Variants in PPM1L observed in about 807,000 individuals in gnomAD.
PPM1L encodes protein phosphatase, Mg2+/Mn2+ dependent 1L, also known as protein phosphatase 1L.
In PPM1L, 13 loss-of-function variants were observed where a neutral mutation model predicts 31.4. The observed-to-expected ratio is 0.41, with a 90% CI of 0.27 to 0.66. The LOEUF (loss-of-function observed/expected upper bound fraction) is 0.66, where lower values mean the gene tolerates loss of function less well. PPM1L is among the 30% of genes least tolerant of loss of function. The pLI is 0.29. For synonymous variants in PPM1L, 184 were observed against 175.4 expected (o/e 1.05, Z -0.39); for missense variants, 326 against 453.7 (o/e 0.72, Z 2.56).
intron 1 of PPM1L, among the ~76,000 whole-genome samples, chr3:160,909,240 A>G (rs1713869786): frequency 6.6e-6 from 1 of 152,184 alleles, no homozygotes; most frequent in African/African-American, 2.4e-5. Context: ...AGGAATTTGC[A>G]TGAAGGAGGA....
intron 2 of PPM1L, among the ~76,000 whole-genome samples, chr3:161,013,519 T>C (rs1717966529): frequency 6.6e-6 from 1 of 152,096 alleles, no homozygotes; most frequent in Non-Finnish European, 1.5e-5. Context: ...GGGTGGAGAG[T>C]TCTGTAGATG....
At chr3:160,970,020 C>CT (rs1365900591) in intron 2 of PPM1L, among the ~76,000 whole-genome samples, 1 of 152,066 alleles carries the variant, frequency 6.6e-6, no homozygotes, top group Non-Finnish European at 1.5e-5. Flanking sequence ...AATTTTATAT[C>CT]TTTTTTATTT....
chr3:160,760,213 G>A (rs931528393), intron 1 of PPM1L, among the ~76,000 whole-genome samples: 9 of 152,166 alleles, frequency 5.9e-5, no homozygotes, highest in Non-Finnish European at 8.8e-5. Context: ...GTGTGTCATG[G>A]CTTTAGGTGT....
chr3:160,941,597 G>A (rs1055822779), intron 1 of PPM1L, among the ~76,000 whole-genome samples: 2 of 152,048 alleles, frequency 1.3e-5, no homozygotes, highest in Admixed American at 6.5e-5. Flanking sequence ...TGTAAGAAGT[G>A]CCTTTCCCCT....
chr3:160,957,726 G>A (rs1409488998), intron 1 of PPM1L, among the ~76,000 whole-genome samples: 2 of 151,982 alleles, frequency 1.3e-5, no homozygotes, highest in African/African-American at 2.4e-5. Flanking sequence ...ACAGGTGCCC[G>A]TCACCACGCC....
chr3:161,065,863 G>A (rs567752851), intron 3 of PPM1L, among the ~76,000 whole-genome samples: 250 of 152,194 alleles, frequency 1.6e-3, no homozygotes, highest in African/African-American at 5.9e-3. Context: ...TGCTTCCCTC[G>A]GAGCCACAAC....
chr3:160,801,951 A>G (rs1047520925), intron 1 of PPM1L, among the ~76,000 whole-genome samples: 2 of 151,980 alleles, frequency 1.3e-5, no homozygotes, highest in African/African-American at 4.8e-5. Flanking sequence ...CCGCAGAGCT[A>G]TTTGTGTCGA....
Position 161,032,819 on chromosome 3 carries a change from A to T in PPM1L, c.575-32584A>T, listed in dbSNP as rs573086933. On this transcript the variant is annotated intron_variant, in intron 2 of 3. Coordinates refer to ENST00000498165, the MANE Select transcript of PPM1L (RefSeq NM_139245.4). ...GTGATTCTCCTGCCTCAGCCTCCTG[A>T]GTAGCTGGGATTACAGATGTGCATC... Among the ~76,000 whole-genome samples the T allele has an allele frequency of 2.0e-5, 3 of 149,144 alleles. No homozygotes were observed. The South Asian group carries it at 6.4e-4, about 32-fold the overall frequency.
At chr3:160,763,155 A>G (rs1464089820) in intron 1 of PPM1L, among the ~76,000 whole-genome samples, 1 of 152,220 alleles carries the variant, frequency 6.6e-6, no homozygotes, top group East Asian at 1.9e-4. Context: ...GGTGGCTTTT[A>G]AAATTTAATT....
chr3:160,814,359 T>C (rs1328061181), intron 1 of PPM1L, among the ~76,000 whole-genome samples: 1 of 152,050 alleles, frequency 6.6e-6, no homozygotes, highest in Non-Finnish European at 1.5e-5. Context: ...CTTGTCGTTA[T>C]ATGAAAAAGA....
chr3:160,799,107 G>C (rs1297492245), intron 1 of PPM1L, among the ~76,000 whole-genome samples: 1 of 152,202 alleles, frequency 6.6e-6, no homozygotes, highest in Non-Finnish European at 1.5e-5. Context: ...AAAGAAAGTG[G>C]TTTCTTGAAA....
intron 2 of PPM1L, among the ~76,000 whole-genome samples, chr3:161,017,141 C>T (rs532002884): frequency 3.3e-3 from 496 of 151,930 alleles, no homozygotes; most frequent in African/African-American, 0.011. Context: ...TCTTCTTTTT[C>T]GGAGGTGGAT....
intron 2 of PPM1L, among the ~76,000 whole-genome samples, chr3:161,063,975 CAT>C (rs1373287768): frequency 6.6e-6 from 1 of 151,926 alleles, no homozygotes; most frequent in Non-Finnish European, 1.5e-5. Flanking sequence ...ACAATGAGAA[CAT>C]ATGGGCACAG....
intron 2 of PPM1L, among the ~76,000 whole-genome samples, chr3:160,968,846 C>T (rs973254310): frequency 6.6e-6 from 1 of 152,200 alleles, no homozygotes; most frequent in African/African-American, 2.4e-5. Flanking sequence ...TTGCAGGCCT[C>T]AAGATAGTTG....
rs890799605 is a variant in PPM1L at position 161,071,098 on chromosome 3, G to A, written c.*1941G>A. On this transcript the variant is annotated 3_prime_UTR_variant, in exon 4 of 4. Transcript: ENST00000498165. ...GGATGTGTGTATTAATATTTGGGGT[G>A]GGGACAGGGAAGGGAATGTGGAAAA... 1 of 152,196 alleles carries A rather than the reference G, an allele frequency of 6.6e-6. No homozygotes were observed. The highest frequency in any genetic ancestry group is 1.5e-5 in the Non-Finnish European group (1 of 68,062). 9.4% of individuals were successfully genotyped at this position (152,196 alleles called of 1,614,324 possible). A position where few individuals can be genotyped will look rare whatever the true frequency, so the allele number is the denominator to read the frequency against.
Position 160,980,151 on chromosome 3 carries a change from T to C in PPM1L, c.574+18241T>C, listed in dbSNP as rs1033413464. Among the ~76,000 whole-genome samples, 3 of 152,050 alleles carry C rather than the reference T, an allele frequency of 2.0e-5. 1 individual carries two copies. The highest frequency in any genetic ancestry group is 1.3e-4 in the Admixed American group (2 of 15,264). ...GGTGGGGATCCAGCAGAGTTTCTGA[T>C]GTCAATTTCTGTTGGTTGCCTCTGC... On this transcript the variant is annotated intron_variant, in intron 2 of 3. Coordinates refer to ENST00000498165, the MANE Select transcript of PPM1L (RefSeq NM_139245.4).
chr3:160,917,225 G>T (rs1357209046), intron 1 of PPM1L, among the ~76,000 whole-genome samples: 1 of 152,110 alleles, frequency 6.6e-6, no homozygotes. Context: ...TAATTAGTGG[G>T]ACAAATTTGG....
At chr3:160,845,778 A>G (rs1323621617) in intron 1 of PPM1L, among the ~76,000 whole-genome samples, 2 of 152,022 alleles carry the variant, frequency 1.3e-5, no homozygotes, top group African/African-American at 2.4e-5. Flanking sequence ...TGTATAATGT[A>G]TGTCAATTAT....
chr3:160,829,542 G>A (rs1713457288), intron 1 of PPM1L, among the ~76,000 whole-genome samples: 2 of 152,152 alleles, frequency 1.3e-5, no homozygotes, highest in Non-Finnish European at 2.9e-5. Context: ...TTGCGTTCAT[G>A]TTTTTGAGTG....
Sources: allele counts gnomAD v4.1 joint callset (sites outside exome capture counted in the v4.1 genomes callset), GRCh38; gene constraint gnomAD v4.1.1; transcripts MANE v1.5; gene names NCBI Gene and HGNC (gene_info 2026-07-23, HGNC 2026-07-21).